Variants in GLCE observed in about 807,000 individuals in gnomAD.
GLCE encodes D-glucuronyl C5-epimerase.
A neutral mutation model predicts 47.9 loss-of-function variants in GLCE; 19 were observed. The observed-to-expected ratio is 0.40, with a 90% CI of 0.28 to 0.58. The LOEUF (loss-of-function observed/expected upper bound fraction) is 0.58. Ranked by LOEUF, GLCE falls within the 20% of genes least tolerant of loss-of-function variation. The probability of loss-of-function intolerance (pLI) is 0.48; values close to 1 mark genes in which losing one functional copy is unlikely to be tolerated. For synonymous variants in GLCE, 245 were observed against 263.4 expected, an observed-to-expected ratio of 0.93 and a Z score of 0.68; for missense variants, 556 against 743.3, an observed-to-expected ratio of 0.75 and a Z score of 2.93.
intron 1 of GLCE, among the ~76,000 whole-genome samples, chr15:69,182,385 A>AAGAGAGAGAG (rs148023337): frequency 6.9e-6 from 1 of 144,118 alleles, no homozygotes; most frequent in Non-Finnish European, 1.5e-5. Flanking sequence ...ATTGCGCTGA[A>AAGAGAGAGAG]AGAGAGAGAG....
chr15:69,163,407 A>G (rs973725646), intron 1 of GLCE, among the ~76,000 whole-genome samples: 20 of 152,342 alleles, frequency 1.3e-4, no homozygotes, highest in Non-Finnish European at 2.4e-4. Flanking sequence ...TGATACTGCT[A>G]AGGAAGAAAT....
intron 1 of GLCE, among the ~76,000 whole-genome samples, chr15:69,165,059 G>T (rs1001400667): frequency 2.6e-5 from 4 of 151,892 alleles, no homozygotes; most frequent in South Asian, 2.1e-4. Flanking sequence ...ATGTTACTGA[G>T]ATTTATTTAT....
intron 2 of GLCE, among the ~76,000 whole-genome samples, chr15:69,219,069 A>T (rs1595762004): frequency 6.6e-6 from 1 of 152,114 alleles, no homozygotes; most frequent in East Asian, 1.9e-4. Flanking sequence ...AATGGTATTG[A>T]TAGTAATATA....
chr15:69,187,008 G>A (rs8027933), intron 1 of GLCE, among the ~76,000 whole-genome samples: 1 of 152,200 alleles, frequency 6.6e-6, no homozygotes, highest in South Asian at 2.1e-4. Context: ...TTCATATTTG[G>A]AGTAGAATGA....
chr15:69,172,539 T>G (rs1173281375), intron 1 of GLCE, among the ~76,000 whole-genome samples: 1 of 152,220 alleles, frequency 6.6e-6, no homozygotes, highest in Admixed American at 6.5e-5. Context: ...TCTCATTAAG[T>G]TATTGTTTTA....
intron 2 of GLCE, among the ~76,000 whole-genome samples, chr15:69,243,430 G>A (rs948140269): frequency 3.3e-5 from 5 of 150,900 alleles, no homozygotes; most frequent in Non-Finnish European, 5.9e-5. Context: ...TTGCTTTTTC[G>A]TTTCATAGCT....
chr15:69,188,609 T>C (rs1426445788), intron 1 of GLCE, among the ~76,000 whole-genome samples: 2 of 152,210 alleles, frequency 1.3e-5, no homozygotes, highest in Admixed American at 1.3e-4. Flanking sequence ...TTATTCAGGT[T>C]ATCTGTTTCT....
intron 2 of GLCE, among the ~76,000 whole-genome samples, chr15:69,225,345 A>G (rs986892791): frequency 1.9e-4 from 29 of 152,114 alleles, no homozygotes; most frequent in African/African-American, 5.8e-4. Context: ...TTCAGTAAAC[A>G]TTAGGATATA....
intron 1 of GLCE, among the ~76,000 whole-genome samples, chr15:69,177,998 A>G (rs2051695950): frequency 6.6e-6 from 1 of 152,200 alleles, no homozygotes; most frequent in Non-Finnish European, 1.5e-5. Flanking sequence ...TTTATCATTC[A>G]TTTGCTGATG....
chr15:69,258,294 C>T (rs2052959999), intron 3 of GLCE, among the ~76,000 whole-genome samples: 1 of 148,588 alleles, frequency 6.7e-6, no homozygotes, highest in Non-Finnish European at 1.5e-5. Context: ...AATGGCCCCT[C>T]GCTCCATCCA....
chr15:69,197,720 T>C (rs1337093843), intron 1 of GLCE, among the ~76,000 whole-genome samples: 1 of 152,128 alleles, frequency 6.6e-6, no homozygotes, highest in Non-Finnish European at 1.5e-5. Flanking sequence ...GCTTGGTTGA[T>C]ATGGATTCAG....
At position 69,270,110 on chromosome 15, in the gene GLCE, T is replaced by A. The variant is rs1894147017; in HGVS notation, c.*866T>A. 1 of 152,484 alleles carries A rather than the reference T, an allele frequency of 6.6e-6. No homozygotes were observed. The highest frequency in any genetic ancestry group is 2.4e-5 in the African/African-American group (1 of 41,448). The allele number at this position is 152,484 out of a possible 1,614,324, so 9.4% of individuals were successfully genotyped here. On this transcript the variant is annotated 3_prime_UTR_variant, in exon 5 of 5. Transcript: ENST00000261858. ...GAGAGATATTTTTGGGACATTATTT[T>A]GGAAACTTATTACAAATCTAAATTT...
chr15:69,262,585 C>G (rs1388566234), intron 4 of GLCE, among the ~76,000 whole-genome samples: 1 of 152,180 alleles, frequency 6.6e-6, no homozygotes. Context: ...CTTTTGAACT[C>G]TGTCCTATTT....
chr15:69,210,014 C>T (rs2052209087), intron 1 of GLCE, among the ~76,000 whole-genome samples: 1 of 152,010 alleles, frequency 6.6e-6, no homozygotes, highest in Admixed American at 6.6e-5. Context: ...CCTAAGAGAC[C>T]CCTTTCCCTC....
intron 1 of GLCE, among the ~76,000 whole-genome samples, chr15:69,166,442 A>G (rs888576117): frequency 1.3e-5 from 2 of 152,200 alleles, no homozygotes; most frequent in Admixed American, 6.5e-5. Context: ...CAGTTCTTCC[A>G]AAAAAGCTAA....
chr15:69,228,106 T>C (rs1381757717), intron 2 of GLCE, among the ~76,000 whole-genome samples: 1 of 152,226 alleles, frequency 6.6e-6, no homozygotes, highest in Non-Finnish European at 1.5e-5. Context: ...CTTTCTCTAC[T>C]GAAGTATTAT....
At chr15:69,187,374 A>G (rs1299256422) in intron 1 of GLCE, among the ~76,000 whole-genome samples, 2 of 152,222 alleles carry the variant, frequency 1.3e-5, no homozygotes, top group Non-Finnish European at 1.5e-5. Context: ...GTTACTATGT[A>G]CAAGCATACC....
chr15:69,202,438 C>A (rs2052088721), intron 1 of GLCE, among the ~76,000 whole-genome samples: 2 of 152,148 alleles, frequency 1.3e-5, no homozygotes, highest in African/African-American at 2.4e-5. Context: ...GAGCTTCTAT[C>A]TTCCTCATAT....
intron 1 of GLCE, among the ~76,000 whole-genome samples, chr15:69,203,081 A>G (rs538766461): frequency 5.9e-5 from 9 of 152,134 alleles, no homozygotes; most frequent in African/African-American, 1.9e-4. Context: ...AGGTGGTTCA[A>G]TCTTTAAAAT....
Sources: allele counts gnomAD v4.1 joint callset (sites outside exome capture counted in the v4.1 genomes callset), GRCh38; gene constraint gnomAD v4.1.1; transcripts MANE v1.5; gene names NCBI Gene and HGNC (gene_info 2026-07-23, HGNC 2026-07-21).